The following TSACC variants were observed in gnomAD, a reference collection of about 807,000 sequenced individuals.
TSACC encodes the protein TSSK6 activating cochaperone.
A neutral mutation model predicts 6.9 loss-of-function variants in TSACC; 3 were observed. That is an observed-to-expected ratio of 0.43 (90% confidence interval 0.20 to 1.12). The LOEUF (loss-of-function observed/expected upper bound fraction) is 1.12, where lower values mean the gene tolerates loss of function less well. TSACC is among the 50% of genes most tolerant of loss of function. The probability of loss-of-function intolerance (pLI) is 0.28; values close to 1 mark genes in which losing one functional copy is unlikely to be tolerated. For synonymous variants in TSACC, 54 were observed against 55.1 expected, an observed-to-expected ratio of 0.98 and a Z score of 0.09; for missense variants, 137 against 143.9, an observed-to-expected ratio of 0.95 and a Z score of 0.24.
rs1665578920 is a variant in TSACC, at chr1:156,338,535, G to A, written c.-195G>A. 6.4e-6 allele frequency: 3 copies of A among 467,184 alleles called. No individual in the cohort carries two copies. The highest frequency in any genetic ancestry group is 5.2e-5 in the South Asian group (2 of 38,446). 28.9% of individuals were successfully genotyped at this position (467,184 alleles called of 1,614,324 possible). A position where few individuals can be genotyped will look rare whatever the true frequency, so the allele number is the denominator to read the frequency against. ...GCGCCAAGGCTCTGGCAGTTGGCCA[G>A]CACACCACTACGCATGTGTGTCAAC... On this transcript the variant is annotated 5_prime_UTR_variant, in exon 1 of 4. Coordinates refer to ENST00000368254, the MANE Select transcript of TSACC (RefSeq NM_001304817.2).
At chr1:156,338,243 G>A (rs1452980972), upstream of TSACC, 24 of 1,478,778 alleles carry the variant, frequency 1.6e-5, no homozygotes, top group African/African-American at 3.0e-5. Context: ...ACCTTCTGGA[G>A]AGAGAGAACC....
At chr1:156,339,370 G>A (rs1665683407) in intron 1 of TSACC, among the ~76,000 whole-genome samples, 1 of 152,234 alleles carries the variant, frequency 6.6e-6, no homozygotes, top group Admixed American at 6.5e-5. Context: ...GGGAGCCAGA[G>A]TTTTAAAATT....
intron 2 of TSACC, among the ~76,000 whole-genome samples, chr1:156,341,125 A>G (rs1665861674): frequency 6.6e-6 from 1 of 152,154 alleles, no homozygotes; most frequent in African/African-American, 2.4e-5. Context: ...CCAGTTTACC[A>G]CTTATTTAAT....
chr1:156,342,082 A>AG (rs1367860714), intron 2 of TSACC, among the ~76,000 whole-genome samples: 1 of 151,322 alleles, frequency 6.6e-6, no homozygotes, highest in Non-Finnish European at 1.5e-5. Context: ...AAAAAAAGAA[A>AG]GAAAAAAAAA....
intron 3 of TSACC, among the ~76,000 whole-genome samples, chr1:156,345,984 A>C (rs999097648): frequency 3.9e-5 from 6 of 151,944 alleles, no homozygotes; most frequent in Non-Finnish European, 8.8e-5. Flanking sequence ...ACCTGAGGTC[A>C]GGAGTTCGAG....
chr1:156,339,336 C>T (rs937355394), intron 1 of TSACC, among the ~76,000 whole-genome samples: 18 of 151,848 alleles, frequency 1.2e-4, no homozygotes, highest in African/African-American at 3.4e-4. Context: ...CTCCCGCTGT[C>T]CTGAGTCTTA....
intron 3 of TSACC, 37 bp downstream of exon 3, chr1:156,344,745 A>G: frequency 1.9e-6 from 3 of 1,605,488 alleles, no homozygotes; most frequent in Non-Finnish European, 2.6e-6. Context: ...TGGACTCAAC[A>G]GGGGGAAGGG....
intron 3 of TSACC, among the ~76,000 whole-genome samples, chr1:156,345,877 A>G (rs1335058668): frequency 6.6e-6 from 1 of 150,998 alleles, no homozygotes; most frequent in Non-Finnish European, 1.5e-5. Flanking sequence ...AAAAAAAAAA[A>G]AGAAAAAAGA....
At chr1:156,341,482 T>C (rs1321570773) in intron 2 of TSACC, among the ~76,000 whole-genome samples, 1 of 152,168 alleles carries the variant, frequency 6.6e-6, no homozygotes, top group Non-Finnish European at 1.5e-5. Flanking sequence ...AGTGACCACA[T>C]CTGTTTAGCA....
At chr1:156,342,824 A>G (rs1031399860) in intron 2 of TSACC, among the ~76,000 whole-genome samples, 1 of 152,226 alleles carries the variant, frequency 6.6e-6, no homozygotes, top group Non-Finnish European at 1.5e-5. Context: ...GCACTTAGCT[A>G]TCTCTTATGT....
intron 1 of TSACC, among the ~76,000 whole-genome samples, chr1:156,339,311 C>A (rs1049629018): frequency 2.6e-5 from 4 of 151,756 alleles, no homozygotes; most frequent in African/African-American, 9.7e-5. Context: ...ATTTTTTTCC[C>A]CCACATCCAT....
chr1:156,338,508 A>C, upstream of TSACC: 2 of 505,914 alleles, frequency 4.0e-6, no homozygotes, highest in Non-Finnish European at 7.1e-6. Flanking sequence ...ACGTCGGCGC[A>C]GGCGCCAAGG....
intron 2 of TSACC, among the ~76,000 whole-genome samples, chr1:156,340,017 A>G (rs1407226574): frequency 6.6e-6 from 1 of 152,244 alleles, no homozygotes; most frequent in African/African-American, 2.4e-5. Flanking sequence ...GGTGTTAACT[A>G]GAGTGAAGAG....
intron 3 of TSACC, among the ~76,000 whole-genome samples, chr1:156,346,242 G>A (rs1175053473): frequency 1.3e-5 from 2 of 150,542 alleles, no homozygotes; most frequent in Non-Finnish European, 3.0e-5. Context: ...GACCAATGTA[G>A]CAAGAATGGT....
intron 2 of TSACC, among the ~76,000 whole-genome samples, chr1:156,343,088 C>G (rs1386481025): frequency 6.6e-6 from 1 of 152,160 alleles, no homozygotes; most frequent in Non-Finnish European, 1.5e-5. Context: ...TCCTTCATCC[C>G]CTTTTTGGGG....
chr1:156,340,415 T>C (rs1665806026), intron 2 of TSACC, among the ~76,000 whole-genome samples: 2 of 150,906 alleles, frequency 1.3e-5, no homozygotes, highest in Admixed American at 6.6e-5. Context: ...TGCCTTGGAC[T>C]CCCAAAGTGC....
At chr1:156,338,352 A>G, upstream of TSACC, 1 of 657,564 alleles carries the variant, frequency 1.5e-6, no homozygotes, top group Non-Finnish European at 2.7e-6. Flanking sequence ...ATTGATCGGC[A>G]CAAAAACAGA....
chr1:156,338,112 G>A, upstream of TSACC: 1 of 1,567,348 alleles, frequency 6.4e-7, no homozygotes, highest in Non-Finnish European at 8.7e-7. Context: ...GGACAGAAGA[G>A]GGCGAAAAGG....
upstream of TSACC, chr1:156,338,239 T>C (rs1024216107): frequency 4.0e-5 from 62 of 1,543,872 alleles, no homozygotes; most frequent in Non-Finnish European, 5.4e-5. Flanking sequence ...CAGAACCTTC[T>C]GGAGAGAGAG....
Sources: allele counts gnomAD v4.1 joint callset (sites outside exome capture counted in the v4.1 genomes callset), GRCh38; gene constraint gnomAD v4.1.1; transcripts MANE v1.5; gene names NCBI Gene and HGNC (gene_info 2026-07-23, HGNC 2026-07-21).